MID1: variants seen among roughly 807,000 people sequenced by gnomAD.
MID1 encodes the protein midline 1.
In MID1, 7 loss-of-function variants were observed where a neutral mutation model predicts 40.4. The observed-to-expected ratio is 0.17, with a 90% confidence interval of 0.10 to 0.33. MID1 has a LOEUF of 0.33. MID1 is among the 10% of genes least tolerant of loss of function. The pLI, the probability that MID1 is intolerant of heterozygous loss-of-function variation, is 1.00. For synonymous variants in MID1, 229 were observed against 221.2 expected, an observed-to-expected ratio of 1.04 and a Z score of -0.31; for missense variants, 367 against 558.5, an observed-to-expected ratio of 0.66 and a Z score of 3.46.
intron 1 of MID1, among the ~76,000 whole-genome samples, chrX:10,802,955 A>G: frequency 8.9e-6 from 1 of 111,811 alleles, no homozygotes; most frequent in Non-Finnish European, 1.9e-5. Flanking sequence ...GTTCTCACTT[A>G]TAAATGGGAG....
intron 1 of MID1, among the ~76,000 whole-genome samples, chrX:10,788,979 C>T (rs754465218): frequency 1.4e-4 from 16 of 110,453 alleles, no homozygotes; most frequent in African/African-American, 5.3e-4. Context: ...AAAACAAAAA[C>T]AAAAACAAAA....
At chrX:10,540,043 A>C (rs1217379169) in intron 2 of MID1, among the ~76,000 whole-genome samples, 1 of 112,279 alleles carries the variant, frequency 8.9e-6, no homozygotes, top group Non-Finnish European at 1.9e-5. Flanking sequence ...TCTACTAAAA[A>C]TATAAAAGTT....
At chrX:10,632,230 C>T (rs113273149) in intron 1 of MID1, among the ~76,000 whole-genome samples, 3 of 111,797 alleles carry the variant, frequency 2.7e-5, no homozygotes, top group African/African-American at 9.7e-5. Context: ...ACTATTCTAA[C>T]CCTCATATGT....
intron 1 of MID1, among the ~76,000 whole-genome samples, chrX:10,606,815 C>T (rs1935633463): frequency 9.0e-6 from 1 of 111,591 alleles, no homozygotes; most frequent in Non-Finnish European, 1.9e-5. Flanking sequence ...CACTGCAGAA[C>T]TGACCTCCCA....
chrX:10,481,547 C>T (rs1016254045), intron 5 of MID1, among the ~76,000 whole-genome samples: 8 of 112,077 alleles, frequency 7.1e-5, no homozygotes, highest in Non-Finnish European at 1.5e-4. Context: ...TCAAGCAATT[C>T]TCCTGCCTCA....
At chrX:10,633,611 C>A (rs1260781343) in intron 1 of MID1, among the ~76,000 whole-genome samples, 1 of 110,568 alleles carries the variant, frequency 9.0e-6, no homozygotes, top group African/African-American at 3.3e-5. Context: ...ACCACCATGC[C>A]TGGCTAATTT....
chrX:10,756,469 A>G (rs775529758), intron 1 of MID1, among the ~76,000 whole-genome samples: 2 of 112,282 alleles, frequency 1.8e-5, no homozygotes, highest in East Asian at 2.8e-4. Context: ...GACAAGTACA[A>G]TCGTGTAGGG....
chrX:10,690,577 T>C (rs989809475), intron 1 of MID1, among the ~76,000 whole-genome samples: 1 of 111,701 alleles, frequency 9.0e-6, no homozygotes, highest in Admixed American at 9.6e-5. Flanking sequence ...TCCTACAATA[T>C]GTGGTTACCA....
chrX:10,547,711 A>G (rs1195565410), intron 2 of MID1, among the ~76,000 whole-genome samples: 6 of 111,510 alleles, frequency 5.4e-5, no homozygotes, highest in African/African-American at 2.0e-4. Context: ...ACTAATGAAC[A>G]AACCAGGCAT....
At chrX:10,521,997 G>A (rs772389818) in intron 3 of MID1, among the ~76,000 whole-genome samples, 4 of 111,183 alleles carry the variant, frequency 3.6e-5, no homozygotes, top group Non-Finnish European at 7.6e-5. Flanking sequence ...GTGCTCCCAC[G>A]CCTGGCTAAT....
chrX:10,476,994 G>T (rs770374800), intron 5 of MID1, among the ~76,000 whole-genome samples: 1 of 112,494 alleles, frequency 8.9e-6, no homozygotes, highest in Admixed American at 9.4e-5. Context: ...TATTTATGAA[G>T]CCCTTAAACT....
chrX:10,565,566 ATG>A (rs753792901), intron 2 of MID1: 1 of 322,325 alleles, frequency 3.1e-6, no homozygotes, highest in East Asian at 9.8e-5. Context: ...ACAACATGGT[ATG>A]TGTTTTTCCT....
chrX:10,719,125 G>A (rs1462532728), intron 1 of MID1, among the ~76,000 whole-genome samples: 1 of 111,412 alleles, frequency 9.0e-6, no homozygotes, highest in African/African-American at 3.3e-5. Flanking sequence ...CATTCCCTCT[G>A]AAAACTGGCA....
intron 3 of MID1, chrX:10,505,343 G>C (rs1931776955): frequency 1.3e-6 from 1 of 752,687 alleles, no homozygotes; most frequent in East Asian, 1.5e-4. Context: ...TTTTCTTTTT[G>C]TGTTTAATGG....
chrX:10,825,552 G>A (rs973493558), intron 1 of MID1, among the ~76,000 whole-genome samples: 1 of 111,924 alleles, frequency 8.9e-6, no homozygotes, highest in African/African-American at 3.2e-5. Flanking sequence ...GCAAACTCTC[G>A]GGTTACAATT....
chrX:10,723,056 G>C (rs1413835152), intron 1 of MID1, among the ~76,000 whole-genome samples: 2 of 110,967 alleles, frequency 1.8e-5, no homozygotes, highest in Non-Finnish European at 3.8e-5. Flanking sequence ...GGGATGTCAA[G>C]GGTGTTTCTG....
At chrX:10,504,430 G>GTAAT (rs1569073280) in intron 3 of MID1, among the ~76,000 whole-genome samples, 1 of 111,316 alleles carries the variant, frequency 9.0e-6, no homozygotes, top group Non-Finnish European at 1.9e-5. Context: ...TGCTTGGCAT[G>GTAAT]TAATAATTAC....
chrX:10,501,201 C>T (rs183060354), intron 3 of MID1, among the ~76,000 whole-genome samples: 2 of 111,298 alleles, frequency 1.8e-5, no homozygotes, highest in Non-Finnish European at 3.8e-5. Flanking sequence ...CCCAGCTAAT[C>T]GGGAGGCAGA....
chrX:10,504,727 A>G, intron 3 of MID1, among the ~76,000 whole-genome samples: 1 of 110,491 alleles, frequency 9.1e-6, no homozygotes, highest in Non-Finnish European at 1.9e-5. Flanking sequence ...AAGGGTAGAG[A>G]ACATTCTTCC....
Sources: allele counts gnomAD v4.1 joint callset (sites outside exome capture counted in the v4.1 genomes callset), GRCh38; gene constraint gnomAD v4.1.1; transcripts MANE v1.5; gene names NCBI Gene and HGNC (gene_info 2026-07-23, HGNC 2026-07-21).